GSTO2: variants seen among roughly 807,000 people sequenced by gnomAD.
The protein encoded by GSTO2 is glutathione S-transferase omega 2.
Under a neutral mutation model 28.4 loss-of-function variants are expected in GSTO2, and 23 were observed. That is an observed-to-expected ratio of 0.81 (90% confidence interval 0.58 to 1.15). The LOEUF (loss-of-function observed/expected upper bound fraction) is 1.15. Among genes scored for constraint, GSTO2 ranks in the 50% most tolerant of loss-of-function variants. The probability of loss-of-function intolerance (pLI) is 0.00; values close to 1 mark genes in which losing one functional copy is unlikely to be tolerated. For synonymous variants in GSTO2, 109 were observed against 111.0 expected, an observed-to-expected ratio of 0.98 and a Z score of 0.11; for missense variants, 298 against 297.8, an observed-to-expected ratio of 1.00 and a Z score of 0.00.
chr10:104,272,848 G>A (rs1589854087), intron 1 of GSTO2, among the ~76,000 whole-genome samples: 1 of 151,966 alleles, frequency 6.6e-6, no homozygotes, highest in South Asian at 2.1e-4. Flanking sequence ...TCCTGACCTC[G>A]TGATCCGCCC....
At chr10:104,286,640 A>G (rs952398081) in intron 5 of GSTO2, among the ~76,000 whole-genome samples, 2 of 152,054 alleles carry the variant, frequency 1.3e-5, no homozygotes, top group African/African-American at 4.8e-5. Flanking sequence ...CACACTTGGG[A>G]ACTGATTATC....
intron 3 of GSTO2, among the ~76,000 whole-genome samples, 164 bp downstream of exon 3, chr10:104,275,498 G>C (rs2011590557): frequency 1.3e-5 from 2 of 152,086 alleles, no homozygotes; most frequent in South Asian, 2.1e-4. Context: ...TTTTTTAGCG[G>C]GCCCTACTGA....
chr10:104,294,670 A>G (rs575166340), intron 5 of GSTO2, among the ~76,000 whole-genome samples: 28 of 152,262 alleles, frequency 1.8e-4, no homozygotes, highest in African/African-American at 6.3e-4. Flanking sequence ...GTGTATGTGC[A>G]TTTGCTGAGC....
In GSTO2 at chr10:104,299,245, TC is replaced by T; in HGVS notation, c.694del (p.Gln232ArgfsTer47). 11 of 1,614,196 alleles carry T rather than the reference TC, an allele frequency of 6.8e-6. No homozygotes were observed. Among genetic ancestry groups the T allele is most frequent in the Non-Finnish European group, 9.3e-6 (11 of 1,180,022 alleles). On this transcript the variant is annotated frameshift_variant, in exon 7 of 7. Transcript: ENST00000338595. LOFTEE classifies it high-confidence loss of function. ...IFQGFLNLYF[Q>X]NNPNAFDFGL... Reference sequence around the variant, plus strand: ...TCCAGGGCTTCTTGAATCTCTATTTTCAGAACAACCCTAATGCCTTTGACTT... The same window carrying T: ...TCCAGGGCTTCTTGAATCTCTATTTTAGAACAACCCTAATGCCTTTGACTT...
chr10:104,294,213 G>A (rs533776890), intron 5 of GSTO2, among the ~76,000 whole-genome samples: 10 of 152,134 alleles, frequency 6.6e-5, no homozygotes, highest in Non-Finnish European at 1.3e-4. Context: ...AGTATGTAGT[G>A]CACATTTTTA....
At chr10:104,290,476 A>G (rs1257242246) in intron 5 of GSTO2, among the ~76,000 whole-genome samples, 1 of 151,910 alleles carries the variant, frequency 6.6e-6, no homozygotes, top group Non-Finnish European at 1.5e-5. Flanking sequence ...CTGCACTCCA[A>G]CTTGGGTGAC....
rs1402877866 is a variant in GSTO2, at chr10:104,278,104, G to A, written c.354G>A (p.Glu118=). ...YERARQKMLL[E]LFCKVPHLTK... ...GAGCTCGCCAAAAGATGTTATTGGA[G>A]CTATTTTGTAAGGTATATTCAATTT... is the stretch of plus-strand genomic sequence containing the variant. Residue 118 remains glutamate (E), a synonymous_variant, in exon 4 of 7, where the codon GAG becomes GAA. Coordinates refer to ENST00000338595, the MANE Select transcript of GSTO2 (RefSeq NM_183239.2). The A allele has an allele frequency of 3.7e-6, 6 of 1,613,154 alleles. No individual in the cohort carries two copies. Among genetic ancestry groups the A allele is most frequent in the Non-Finnish European group, 5.1e-6 (6 of 1,179,360 alleles).
chr10:104,290,346 A>G (rs1237738155), intron 5 of GSTO2, among the ~76,000 whole-genome samples: 2 of 152,026 alleles, frequency 1.3e-5, no homozygotes, highest in Non-Finnish European at 1.5e-5. Flanking sequence ...TCTCTACTGA[A>G]AATACAAAAA....
chr10:104,299,123 T>C lies in GSTO2; in HGVS notation c.576-5T>C, dbSNP rs768475729. Reference sequence around the variant, plus strand: ...CTGTGCTGACGCTTCTTTCCTGTCTTGCAGCTGTGTGAGCCACACGCCAGC... The same window carrying C: ...CTGTGCTGACGCTTCTTTCCTGTCTCGCAGCTGTGTGAGCCACACGCCAGC... On this transcript the variant is annotated splice_region_variant and splice_polypyrimidine_tract_variant and intron_variant, in intron 6 of 6. Coordinates refer to ENST00000338595, the MANE Select transcript of GSTO2 (RefSeq NM_183239.2). 4.3e-6 allele frequency: 7 copies of C among 1,612,468 alleles called. No individual in the cohort carries two copies. In the East Asian group the frequency reaches 1.3e-4, roughly 31 times the overall value.
In GSTO2 at chr10:104,274,820, G is replaced by A; in HGVS notation, c.-96G>A. On this transcript the variant is annotated 5_prime_UTR_variant, in exon 2 of 7. Transcript: ENST00000338595. ...ATTAAATTTGGGGCAAGGGGTGCGC[G>A]CCAGAGCGCAGCTGTTTCTGGAGCC... is the stretch of plus-strand genomic sequence containing the variant. 6.9e-7 allele frequency: 1 copy of A among 1,452,548 alleles called. No homozygotes were observed. The highest frequency in any genetic ancestry group is 1.2e-5 in the South Asian group (1 of 82,388). The allele number at this position is 1,452,548 out of a possible 1,614,324, so 90.0% of individuals were successfully genotyped here.
chr10:104,272,587 C>CT lies in GSTO2; in HGVS notation c.-231-2054dup, dbSNP rs768279768. The stretch of plus-strand genomic sequence containing the variant: ...GAATCAAAATAGAACAGTTATGGGA[C>CT]TTTTTTTTTTTTTTTTTTTTTTTTT... On this transcript the variant is annotated intron_variant, in intron 1 of 6. Coordinates refer to ENST00000338595, the MANE Select transcript of GSTO2 (RefSeq NM_183239.2). 2.2e-3 allele frequency among the ~76,000 whole-genome samples: 107 copies of CT among 49,306 alleles called. 31 individuals are homozygous for CT. The highest frequency in any genetic ancestry group is 3.5e-3 in the Admixed American group (10 of 2,888). The allele number at this position is 49,306 out of a possible 152,430, so 32.3% of individuals were successfully genotyped here.
intron 5 of GSTO2, among the ~76,000 whole-genome samples, chr10:104,279,729 T>G (rs1028271677): frequency 6.6e-6 from 1 of 152,236 alleles, no homozygotes; most frequent in Non-Finnish European, 1.5e-5. Context: ...TGAGTAGCTC[T>G]GCATGGCTTC....
chr10:104,276,310 G>C (rs1281025298), intron 3 of GSTO2, among the ~76,000 whole-genome samples: 3 of 152,096 alleles, frequency 2.0e-5, no homozygotes, highest in African/African-American at 7.2e-5. Context: ...CCTGTTTTTT[G>C]AGGAAAATAA....
At chr10:104,282,378 C>T (rs891811226) in intron 5 of GSTO2, among the ~76,000 whole-genome samples, 1 of 151,868 alleles carries the variant, frequency 6.6e-6, no homozygotes, top group South Asian at 2.1e-4. Flanking sequence ...CATGGCAAAC[C>T]TCCATCTCTT....
At position 104,299,299 on chromosome 10, in the gene GSTO2, C is replaced by CGGT. The variant is rs1564854824; in HGVS notation, c.*15_*16insGGT. ...GGCTGTGCTGAGTCTCACTGTCCAC[C>CGGT]CCTTCGCTGTCCAGAATTCCCCAGC... is the stretch of plus-strand genomic sequence containing the variant. On this transcript the variant is annotated 3_prime_UTR_variant, in exon 7 of 7. Transcript: ENST00000338595. The CGGT allele has an allele frequency of 6.2e-7, 1 of 1,613,392 alleles. No homozygotes were observed. Among genetic ancestry groups the CGGT allele is most frequent in the South Asian group, 1.1e-5 (1 of 90,890 alleles).
At chr10:104,272,755 A>T (rs1448540793) in intron 1 of GSTO2, among the ~76,000 whole-genome samples, 1 of 151,514 alleles carries the variant, frequency 6.6e-6, no homozygotes, top group Non-Finnish European at 1.5e-5. Context: ...CTGGGACTAC[A>T]GGCGCCTGCC....
intron 5 of GSTO2, among the ~76,000 whole-genome samples, chr10:104,282,012 ATGCTAAAAGGCCTTTT>A (rs1289899527): frequency 2.0e-5 from 3 of 152,038 alleles, no homozygotes; most frequent in African/African-American, 7.3e-5. Context: ...CCAGAGTCAG[ATGCTAAAAGGCCTTTT>A]CCACTGTGCC....
intron 4 of GSTO2, among the ~76,000 whole-genome samples, chr10:104,279,090 C>T (rs1294152533): frequency 6.6e-6 from 1 of 151,964 alleles, no homozygotes; most frequent in Non-Finnish European, 1.5e-5. Context: ...GTTGAGTGTC[C>T]CACCTAAGAA....
At chr10:104,272,855 G>T (rs952125953) in intron 1 of GSTO2, among the ~76,000 whole-genome samples, 1 of 151,306 alleles carries the variant, frequency 6.6e-6, no homozygotes, top group South Asian at 2.1e-4. Context: ...CTCGTGATCC[G>T]CCCGCCTCGG....
Sources: gnomAD v4.1 joint callset for allele counts (sites outside exome capture counted in the v4.1 genomes callset) on GRCh38, gnomAD v4.1.1 for gene constraint, MANE v1.5 for transcripts, NCBI Gene and HGNC (gene_info 2026-07-23, HGNC 2026-07-21) for gene names.